CNKSR3: variants seen among roughly 807,000 people sequenced by gnomAD.
CNKSR3 encodes CNKSR family member 3.
Under a neutral mutation model 67.7 loss-of-function variants are expected in CNKSR3, and 36 were observed. That is an observed-to-expected ratio of 0.53 (90% CI 0.41 to 0.70). The LOEUF is 0.70. Among genes scored for constraint, CNKSR3 ranks in the 30% least tolerant of loss-of-function variants. The probability of loss-of-function intolerance (pLI) is 0.00; values close to 1 mark genes in which losing one functional copy is unlikely to be tolerated. For missense variants in CNKSR3, 630 were observed against 695.2 expected (o/e 0.91, Z 1.05); for synonymous variants, 281 against 271.4 (o/e 1.04, Z -0.35).
chr6:154,455,511 C>A (rs1785934424), intron 1 of CNKSR3, among the ~76,000 whole-genome samples: 1 of 150,494 alleles, frequency 6.6e-6, no homozygotes, highest in Non-Finnish European at 1.5e-5. Context: ...GACAGAGTTT[C>A]TTTCACTCTT....
intron 1 of CNKSR3, among the ~76,000 whole-genome samples, chr6:154,488,073 G>A (rs1280639133): frequency 2.6e-5 from 4 of 152,222 alleles, no homozygotes; most frequent in East Asian, 1.9e-4. Flanking sequence ...TCTGTAAAGC[G>A]CAAACAAAAC....
At chr6:154,455,130 T>G (rs1785926075) in intron 1 of CNKSR3, among the ~76,000 whole-genome samples, 1 of 149,226 alleles carries the variant, frequency 6.7e-6, no homozygotes. Flanking sequence ...GCCAACATGG[T>G]GAAACCCCAT....
chr6:154,450,230 G>A lies in CNKSR3; in HGVS notation c.81C>T (p.Val27=). 6.2e-7 allele frequency: 1 copy of A among 1,614,078 alleles called. No individual in the cohort carries two copies. Among genetic ancestry groups the A allele is most frequent in the Non-Finnish European group, 8.5e-7 (1 of 1,180,012 alleles). ...TGATCTTCTCTCGTTCAAACTTGTG[G>A]ACATATTGTTGCAGGCAGTCATCCA... The part of the protein sequence containing the change: ...RGLDDCLQQY[V]HKFEREKING... Residue 27 remains valine, a synonymous_variant, in exon 2 of 13, where the codon GTC becomes GTT. Transcript: ENST00000607772.
chr6:154,410,243 G>T, intron 12 of CNKSR3, 100 bp downstream of exon 12: 1 of 765,724 alleles, frequency 1.3e-6, no homozygotes, highest in Non-Finnish European at 2.2e-6. Context: ...CAAGTACTCA[G>T]TCTACTTATT....
At chr6:154,449,358 T>G (rs982296980) in intron 2 of CNKSR3, among the ~76,000 whole-genome samples, 1 of 152,252 alleles carries the variant, frequency 6.6e-6, no homozygotes, top group Non-Finnish European at 1.5e-5. Context: ...GTTCTCACTC[T>G]GTCACCCAGG....
chr6:154,438,342 T>C (rs1293753303), intron 4 of CNKSR3, among the ~76,000 whole-genome samples: 1 of 152,186 alleles, frequency 6.6e-6, no homozygotes, highest in Non-Finnish European at 1.5e-5. Flanking sequence ...TTACTTCGTA[T>C]ACAAGTTTGT....
intron 9 of CNKSR3, among the ~76,000 whole-genome samples, chr6:154,420,503 A>C (rs942541470): frequency 9.2e-5 from 14 of 151,468 alleles, no homozygotes; most frequent in Non-Finnish European, 1.8e-4. Flanking sequence ...TCCCGGCTAA[A>C]ACGGTGAAAC....
In CNKSR3 at chr6:154,406,084, T is replaced by C. The variant is rs945589979; in HGVS notation, c.*270A>G. 2.6e-5 allele frequency: 11 copies of C among 428,568 alleles called. No individual in the cohort carries two copies. Among genetic ancestry groups the C allele is most frequent in the African/African-American group, 2.0e-4 (10 of 50,418 alleles). 26.5% of individuals were successfully genotyped at this position (428,568 alleles called of 1,614,324 possible). On this transcript the variant is annotated 3_prime_UTR_variant, in exon 13 of 13. Transcript: ENST00000607772. Reference sequence around the variant, plus strand: ...CCAGGACTGCGATTTCTAGCGCGTGTCTTCACATTCTATCTCTGGGGAAGC... The same window carrying C: ...CCAGGACTGCGATTTCTAGCGCGTGCCTTCACATTCTATCTCTGGGGAAGC...
chr6:154,439,241 T>C (rs2128717165), intron 4 of CNKSR3, among the ~76,000 whole-genome samples: 1 of 152,342 alleles, frequency 6.6e-6, no homozygotes. Flanking sequence ...CCAGAGACTG[T>C]ATGCTCCAGA....
chr6:154,486,293 C>T (rs901656934), intron 1 of CNKSR3, among the ~76,000 whole-genome samples: 3,154 of 147,872 alleles, frequency 0.021, 111 homozygotes, highest in African/African-American at 0.075. Flanking sequence ...CTCTCTCTCT[C>T]TTTTTCTTTT....
intron 4 of CNKSR3, among the ~76,000 whole-genome samples, chr6:154,438,858 T>C (rs777061760): frequency 4.6e-5 from 7 of 152,196 alleles, no homozygotes; most frequent in Non-Finnish European, 7.3e-5. Flanking sequence ...TCCCAGGCAT[T>C]CTTAGGCCCC....
chr6:154,431,405 T>G (rs1785364751), intron 5 of CNKSR3, among the ~76,000 whole-genome samples: 1 of 137,572 alleles, frequency 7.3e-6, no homozygotes, highest in Non-Finnish European at 1.5e-5. Context: ...GTCGCACCAC[T>G]GCACTCTAGC....
Position 154,484,221 on chromosome 6 carries a change from C to T in CNKSR3, c.52+25842G>A, listed in dbSNP as rs11970229. 7.3e-3 allele frequency among the ~76,000 whole-genome samples: 1,106 copies of T among 152,178 alleles called. 8 individuals are homozygous for T. Among genetic ancestry groups the T allele is most frequent in the African/African-American group, 0.018 (737 of 41,516 alleles). Reference sequence around the variant, plus strand: ...TATCAACCCTCAAAATTAGACTTAACGATGGAAGAAAAAACATGGAATCCA... The same window carrying T: ...TATCAACCCTCAAAATTAGACTTAATGATGGAAGAAAAAACATGGAATCCA... On this transcript the variant is annotated intron_variant, in intron 1 of 12. Transcript: ENST00000607772.
intron 2 of CNKSR3, among the ~76,000 whole-genome samples, chr6:154,446,415 T>C (rs1582867519): frequency 6.6e-6 from 1 of 152,216 alleles, no homozygotes; most frequent in Non-Finnish European, 1.5e-5. Flanking sequence ...ACCTAAGAAA[T>C]ATAGTTCACA....
intron 1 of CNKSR3, among the ~76,000 whole-genome samples, chr6:154,486,495 T>TTTTA (rs1786669990): frequency 7.1e-6 from 1 of 140,394 alleles, no homozygotes; most frequent in Non-Finnish European, 1.5e-5. Flanking sequence ...TTTTATTTTA[T>TTTTA]TTTATCTTAT....
chr6:154,467,764 G>A (rs1278059395), intron 1 of CNKSR3, among the ~76,000 whole-genome samples: 1 of 151,056 alleles, frequency 6.6e-6, no homozygotes, highest in Non-Finnish European at 1.5e-5. Flanking sequence ...TATCATTTTT[G>A]TTTGTCTGTT....
intron 1 of CNKSR3, among the ~76,000 whole-genome samples, chr6:154,463,527 A>T (rs957349122): frequency 6.6e-6 from 1 of 152,132 alleles, no homozygotes; most frequent in African/African-American, 2.4e-5. Flanking sequence ...TCTTCAACAC[A>T]AAATTCCCAC....
chr6:154,406,637 C>T lies in CNKSR3; in HGVS notation c.1385G>A (p.Cys462Tyr), dbSNP rs1296263439. Residue 462 changes from cysteine to tyrosine, a missense_variant, in exon 13 of 13, where the codon TGC becomes TAC. By Grantham distance (194) the Cys-to-Tyr change is radical. Coordinates refer to ENST00000607772, the MANE Select transcript of CNKSR3 (RefSeq NM_173515.4). ...GHGRKGEDAL[C>Y]RYFSNERIPP... Reference sequence around the variant, plus strand: ...AATCCGCTCGTTACTGAAATACCGGCAAAGGGCATCCTCCCCTGTTTCCAG... The same window carrying T: ...AATCCGCTCGTTACTGAAATACCGGTAAAGGGCATCCTCCCCTGTTTCCAG... 1 of 1,612,152 alleles carries T rather than the reference C, an allele frequency of 6.2e-7. No individual in the cohort carries two copies. The highest frequency in any genetic ancestry group is 8.5e-7 in the Non-Finnish European group (1 of 1,178,624).
intron 1 of CNKSR3, among the ~76,000 whole-genome samples, chr6:154,504,195 C>T (rs976083336): frequency 1.3e-5 from 2 of 152,278 alleles, no homozygotes; most frequent in East Asian, 3.9e-4. Flanking sequence ...AACTAATTTA[C>T]CCAAGGAAAG....
Sources: allele counts gnomAD v4.1 joint callset (sites outside exome capture counted in the v4.1 genomes callset), GRCh38; gene constraint gnomAD v4.1.1; transcripts MANE v1.5; gene names NCBI Gene and HGNC (gene_info 2026-07-23, HGNC 2026-07-21).